The following POLE variants were observed in gnomAD, a reference collection of about 807,000 sequenced individuals.
POLE encodes the protein DNA polymerase epsilon, catalytic subunit.
A neutral mutation model predicts 279.2 loss-of-function variants in POLE; 188 were observed. The ratio of observed to expected loss-of-function variants is 0.67; its 90% CI spans 0.60 to 0.76. The LOEUF (loss-of-function observed/expected upper bound fraction) is 0.76. POLE is among the 30% of genes least tolerant of loss of function. POLE has a pLI of 0.00. For missense variants in POLE, 2,703 were observed against 3,016.7 expected (o/e 0.90, Z 2.44); for synonymous variants, 1,214 against 1,172.5 (o/e 1.04, Z -0.72).
chr12:132,659,848 C>T (rs949634965), intron 25 of POLE: 2 of 250,704 alleles, frequency 8.0e-6, no homozygotes, highest in South Asian at 5.5e-5. Flanking sequence ...CATGCCATCA[C>T]ATCCAGCTAA....
chr12:132,643,085 G>A, intron 35 of POLE, 89 bp from the exon 36 acceptor site: 1 of 1,476,274 alleles, frequency 6.8e-7, no homozygotes, highest in Admixed American at 2.1e-5. Flanking sequence ...CCACGGCACT[G>A]CCAATTCAAT....
At chr12:132,642,058 G>T in intron 38 of POLE, 119 bp downstream of exon 38, 3 of 1,031,298 alleles carry the variant, frequency 2.9e-6, no homozygotes, top group South Asian at 1.5e-5. Context: ...TGCAGCCTCA[G>T]CTCTGACCTG....
Position 132,657,914 on chromosome 12 carries a change from C to A in POLE, c.3332G>T (p.Arg1111Leu), listed in dbSNP as rs114315196. The change falls in exon 27 of 49, where the codon CGG becomes CTG. Residue 1111 changes from arginine (R) to leucine (L), a missense_variant. Coordinates refer to ENST00000320574, the MANE Select transcript of POLE (RefSeq NM_006231.4). Reference sequence around the variant, plus strand: ...AAGGGAAGAGCTCTTGAGCCATTTCCGGAGAAAGTGCTTCCTCACCGTGGG... The same window carrying A: ...AAGGGAAGAGCTCTTGAGCCATTTCAGGAGAAAGTGCTTCCTCACCGTGGG... ...AEPTVRKHFL[R>L]KWLKSSSLQD... is the part of the protein sequence containing the mutation. The A allele has an allele frequency of 3.1e-6, 5 of 1,614,138 alleles. No homozygotes were observed. Among genetic ancestry groups the A allele is most frequent in the African/African-American group, 2.7e-5 (2 of 75,050 alleles).
intron 29 of POLE, among the ~76,000 whole-genome samples, chr12:132,655,666 T>G (rs2042516202): frequency 1.3e-5 from 2 of 152,246 alleles, no homozygotes; most frequent in Non-Finnish European, 1.5e-5. Flanking sequence ...TTACAATTAG[T>G]ATATATTTCC....
rs575650658 is a variant in POLE, at chr12:132,661,969, T to C, written c.2707-285A>G. The stretch of plus-strand genomic sequence containing the variant: ...CAAAATTATAGTACAAAAAACACAT[T>C]GTGGGTTGCCAGGGTTTCGGGGTAG... On this transcript the variant is annotated intron_variant, in intron 23 of 48. Coordinates refer to ENST00000320574, the MANE Select transcript of POLE (RefSeq NM_006231.4). This position sits in a 1 kb window ranked among gnomAD's most constrained non-coding sequence, Gnocchi z 4.1. Among the ~76,000 whole-genome samples the C allele has an allele frequency of 6.6e-6, 1 of 152,332 alleles. No homozygotes were observed.
In POLE at chr12:132,667,579, T is replaced by C. The variant is rs2135970266; in HGVS notation, c.2243A>G (p.Gln748Arg). ...GTCCACGTAGAAGGAGTTTTCCCGC[T>C]GGCAGATGGTGGTGAGACGCTCTTC... ...KVEERLTTIC[Q>R]RENSFYVDTV... The change falls in exon 20 of 49, where the codon CAG becomes CGG. Residue 748 changes from glutamine (Q) to arginine (R), a missense_variant. Around this residue, in one of 5 missense-constraint regions of POLE, gnomAD observed 1,011 missense variants for 1,111.7 expected, o/e 0.91. Transcript: ENST00000320574. The C allele has an allele frequency of 6.2e-7, 1 of 1,613,954 alleles. No individual in the cohort carries two copies. The highest frequency in any genetic ancestry group is 1.7e-5 in the Admixed American group (1 of 60,006).
chr12:132,658,237 A>T (rs1048067993), intron 26 of POLE: 2 of 401,236 alleles, frequency 5.0e-6, no homozygotes, highest in South Asian at 5.0e-5. Flanking sequence ...CATATACATA[A>T]ACACATGCGT....
chr12:132,673,772 C>G (rs1427406960), intron 12 of POLE, 65 bp from the exon 13 acceptor site: 1 of 1,585,118 alleles, frequency 6.3e-7, no homozygotes, highest in South Asian at 1.1e-5. Context: ...CCCCTGAGAA[C>G]TGGCAAAACT....
chr12:132,678,449 C>T (rs148096030), intron 6 of POLE, among the ~76,000 whole-genome samples: 1 of 151,896 alleles, frequency 6.6e-6, no homozygotes, highest in Non-Finnish European at 1.5e-5. Flanking sequence ...ATGGGGTACA[C>T]ACCTGTGATC....
Position 132,675,667 on chromosome 12 carries a change from C to T in POLE, c.1106+68G>A. 6.4e-7 allele frequency: 1 copy of T among 1,562,412 alleles called. No homozygotes were observed. The highest frequency in any genetic ancestry group is 8.8e-7 in the Non-Finnish European group (1 of 1,134,028). On this transcript the variant is annotated intron_variant, in intron 11 of 48. Transcript: ENST00000320574. This position sits in a 1 kb window ranked among gnomAD's most constrained non-coding sequence, Gnocchi z 4.3. ...CCTCCTAAGTCGACATGGGAAGCGC[C>T]CCTGCACCACGCAACGCCCTCCCTC...
chr12:132,653,598 T>C (rs1361550047), intron 29 of POLE, among the ~76,000 whole-genome samples: 2 of 152,240 alleles, frequency 1.3e-5, no homozygotes, highest in African/African-American at 4.8e-5. Context: ...TCCTTACATT[T>C]TCTGTTAACA....
Position 132,668,402 on chromosome 12 carries a change from T to C in POLE, c.2127A>G (p.Glu709=), listed in dbSNP as rs2135975055. The C allele has an allele frequency of 6.2e-7, 1 of 1,611,216 alleles. No homozygotes were observed. Among genetic ancestry groups the C allele is most frequent in the Non-Finnish European group, 8.5e-7 (1 of 1,178,520 alleles). The stretch of plus-strand genomic sequence containing the variant: ...ATTTCGCCTGTTCCTCGCGGGACAG[T>C]TCATGAAAGGCCCGAGCTGGCCCCT... ...FPEGPARAFH[E]LSREEQAKYE... Residue 709 remains glutamate (E), a synonymous_variant, in exon 19 of 49, where the codon GAA becomes GAG. Transcript: ENST00000320574. The surrounding 1 kb of genome is among the most constrained non-coding windows in gnomAD (Gnocchi z 4.0).
Position 132,661,573 on chromosome 12 carries a change from T to C in POLE, c.2818A>G (p.Met940Val), listed in dbSNP as rs148382941. ...TCTTCCTTGGAGGCTGGAAGAATCATGGCAAGGTAGGGCCCATCAACCTCA... is the reference window on the plus strand; with the variant it reads ...TCTTCCTTGGAGGCTGGAAGAATCACGGCAAGGTAGGGCCCATCAACCTCA... ...FFEVDGPYLAMILPASKEEGK... is the reference protein window; with the variant it reads ...FFEVDGPYLAVILPASKEEGK... Residue 940 changes from methionine (M) to valine (V), a missense_variant, in exon 24 of 49, where the codon ATG becomes GTG. Around this residue, in one of 5 missense-constraint regions of POLE, gnomAD observed 101 missense variants for 115.4 expected, o/e 0.87. Coordinates refer to ENST00000320574, the MANE Select transcript of POLE (RefSeq NM_006231.4). This position sits in a 1 kb window ranked among gnomAD's most constrained non-coding sequence, Gnocchi z 4.1. 3.7e-5 allele frequency: 60 copies of C among 1,614,060 alleles called. No homozygotes were observed. Among genetic ancestry groups the C allele is most frequent in the Non-Finnish European group, 1.6e-5 (19 of 1,180,036 alleles).
chr12:132,643,255 T>C lies in POLE; in HGVS notation c.4520A>G (p.Gln1507Arg), dbSNP rs752475451. 3 of 1,613,866 alleles carry C rather than the reference T, an allele frequency of 1.9e-6. No homozygotes were observed. The highest frequency in any genetic ancestry group is 2.5e-6 in the Non-Finnish European group (3 of 1,180,034). Residue 1507 changes from glutamine (Q) to arginine (R), a missense_variant, in exon 35 of 49, where the codon CAG becomes CGG. By Grantham distance (43) the Gln-to-Arg change is conservative. Coordinates refer to ENST00000320574, the MANE Select transcript of POLE (RefSeq NM_006231.4). ...CAGCACAAAGACGGATGCCCTGCGCTGTGAGGGGATGAAGATCCCGAAGAG... is the reference window on the plus strand; with the variant it reads ...CAGCACAAAGACGGATGCCCTGCGCCGTGAGGGGATGAAGATCCCGAAGAG... The part of the protein sequence containing the change: ...KALFGIFIPS[Q>R]RRASVFVLDT...
In POLE at chr12:132,661,884, A is replaced by C. The variant is rs964706063; in HGVS notation, c.2707-200T>G. On this transcript the variant is annotated intron_variant, in intron 23 of 48. Coordinates refer to ENST00000320574, the MANE Select transcript of POLE (RefSeq NM_006231.4). The surrounding 1 kb of genome is among the most constrained non-coding windows in gnomAD (Gnocchi z 4.1). ...CTCAGGTGTATCTGTTAGGTCCAAG[A>C]AGCCAGACCCAAAATGCTACAGGCC... Among the ~76,000 whole-genome samples the C allele has an allele frequency of 2.0e-5, 3 of 152,258 alleles. No homozygotes were observed. Among genetic ancestry groups the C allele is most frequent in the African/African-American group, 4.8e-5 (2 of 41,478 alleles).
At chr12:132,641,077 CT>C in intron 39 of POLE, 1 of 456,696 alleles carries the variant, frequency 2.2e-6, no homozygotes, top group Non-Finnish European at 4.4e-6. Flanking sequence ...GTTTCCTTAT[CT>C]GAAAAACAGA....
chr12:132,684,418 C>CAG (rs1565984195), intron 1 of POLE, among the ~76,000 whole-genome samples: 1 of 4,606 alleles, frequency 2.2e-4, no homozygotes. Context: ...CTCTCATTCA[C>CAG]AGAGCTACCA....
chr12:132,666,063 C>G (rs756484590), intron 20 of POLE, among the ~76,000 whole-genome samples: 6 of 152,200 alleles, frequency 3.9e-5, no homozygotes, highest in Non-Finnish European at 7.3e-5. Context: ...GACCCAACAA[C>G]TCTACTGCTG....
chr12:132,636,156 T>A, intron 41 of POLE, 132 bp from the exon 42 acceptor site: 1 of 935,758 alleles, frequency 1.1e-6, no homozygotes, highest in Non-Finnish European at 1.5e-6. Context: ...TCAGACCACA[T>A]CATCCCTCAG....
Sources: gnomAD v4.1 joint callset for allele counts (sites outside exome capture counted in the v4.1 genomes callset) on GRCh38, gnomAD v4.1.1 for gene constraint, gnomAD v4.1.1 regional missense constraint, Gnocchi (gnomAD v3.1) non-coding constraint, MANE v1.5 for transcripts, NCBI Gene and HGNC (gene_info 2026-07-23, HGNC 2026-07-21) for gene names.